The following PACRG variants were observed in gnomAD, a reference collection of about 807,000 sequenced individuals.
The protein encoded by PACRG is parkin coregulated, also known as parkin coregulated gene protein.
Under a neutral mutation model 29.7 loss-of-function variants are expected in PACRG, and 29 were observed. That is an observed-to-expected ratio of 0.98 (90% CI 0.73 to 1.33). The LOEUF is 1.33. Ranked by LOEUF, PACRG falls within the 40% of genes most tolerant of loss-of-function variation. The pLI is 0.00. For synonymous variants in PACRG, 116 were observed against 118.7 expected (o/e 0.98, Z 0.15); for missense variants, 279 against 316.2 (o/e 0.88, Z 0.89).
At chr6:163,044,990 G>C (rs1809183614) in intron 2 of PACRG, among the ~76,000 whole-genome samples, 1 of 152,194 alleles carries the variant, frequency 6.6e-6, no homozygotes, top group Non-Finnish European at 1.5e-5. Flanking sequence ...CTGTTTAACT[G>C]GGTAAAGTGA....
intron 4 of PACRG, among the ~76,000 whole-genome samples, chr6:163,302,482 C>G (rs756567167): frequency 1.3e-5 from 2 of 152,288 alleles, no homozygotes; most frequent in East Asian, 1.9e-4. Context: ...TTAACTAAGA[C>G]AGTTGTAAAA....
At chr6:163,148,555 C>T (rs898516402) in intron 4 of PACRG, among the ~76,000 whole-genome samples, 2 of 152,128 alleles carry the variant, frequency 1.3e-5, no homozygotes, top group African/African-American at 4.8e-5. Context: ...ACAATGGCAT[C>T]TCAACATCCA....
chr6:162,997,197 A>G (rs2128192877), intron 2 of PACRG, among the ~76,000 whole-genome samples: 1 of 152,342 alleles, frequency 6.6e-6, no homozygotes, highest in East Asian at 1.9e-4. Flanking sequence ...GCTCAATTTT[A>G]ATTTCAAGAA....
intron 4 of PACRG, among the ~76,000 whole-genome samples, chr6:163,277,966 G>A (rs1585394390): frequency 6.6e-6 from 1 of 152,046 alleles, no homozygotes; most frequent in Non-Finnish European, 1.5e-5. Context: ...ATGTAAAACT[G>A]TTCCCTTTTC....
At chr6:162,985,215 A>G (rs1802782645) in intron 2 of PACRG, among the ~76,000 whole-genome samples, 1 of 152,108 alleles carries the variant, frequency 6.6e-6, no homozygotes, top group Admixed American at 6.6e-5. Context: ...TGAAGCCAGT[A>G]CCACCCTAAT....
At chr6:163,016,884 T>C (rs1304064592) in intron 2 of PACRG, among the ~76,000 whole-genome samples, 1 of 152,164 alleles carries the variant, frequency 6.6e-6, no homozygotes, top group African/African-American at 2.4e-5. Flanking sequence ...TTTAGGTCTG[T>C]CTTTTTCTCT....
chr6:162,890,653 A>T (rs766162883), intron 2 of PACRG, among the ~76,000 whole-genome samples: 14 of 152,282 alleles, frequency 9.2e-5, no homozygotes, highest in Admixed American at 4.6e-4. Context: ...CCTGCCAGAA[A>T]GGAGACCCCG....
At chr6:163,256,824 GA>G (rs1783129366) in intron 4 of PACRG, among the ~76,000 whole-genome samples, 2 of 152,338 alleles carry the variant, frequency 1.3e-5, no homozygotes, top group South Asian at 4.1e-4. Context: ...GTGGCTTAAA[GA>G]AACAGACACT....
intron 4 of PACRG, among the ~76,000 whole-genome samples, chr6:163,225,626 C>A (rs919364576): frequency 1.3e-5 from 2 of 152,154 alleles, no homozygotes; most frequent in African/African-American, 4.8e-5. Context: ...TAAATTAGTA[C>A]AGCCATTATG....
chr6:163,042,864 T>G (rs998697329), intron 2 of PACRG: 3 of 152,080 alleles, frequency 2.0e-5, no homozygotes, highest in Non-Finnish European at 4.4e-5. Flanking sequence ...TACATCCTGT[T>G]ATTTAATCAG....
At chr6:162,966,558 G>A (rs1454207155) in intron 2 of PACRG, among the ~76,000 whole-genome samples, 1 of 148,618 alleles carries the variant, frequency 6.7e-6, no homozygotes, top group Non-Finnish European at 1.5e-5. Flanking sequence ...CTCACTGCAA[G>A]CTCCGCCTCC....
intron 2 of PACRG, among the ~76,000 whole-genome samples, chr6:163,061,472 G>T (rs1021104765): frequency 6.6e-6 from 1 of 152,196 alleles, no homozygotes; most frequent in Non-Finnish European, 1.5e-5. Context: ...GGGTGGAGAT[G>T]TGGGAAAGAG....
At chr6:163,216,289 C>G (rs16888817) in intron 4 of PACRG, among the ~76,000 whole-genome samples, 74,460 of 151,848 alleles carry the variant, frequency 0.49, 18,621 homozygotes, top group East Asian at 0.76. Context: ...CCCAGTGGAG[C>G]CAGCACCAAG....
Position 162,792,535 on chromosome 6 carries a change from G to C in PACRG, c.157-21612G>C, listed in dbSNP as rs183010919. 1.4e-3 allele frequency among the ~76,000 whole-genome samples: 213 copies of C among 152,178 alleles called. 4 individuals carry two copies. The highest frequency in any genetic ancestry group is 3.4e-3 in the Middle Eastern group (1 of 292). On this transcript the variant is annotated intron_variant, in intron 1 of 4. Transcript: ENST00000366888. ...CGTGATAGAACAGGCCAAGGAACTA[G>C]AGAGGCTGAAGCACTGGTCCAACTA...
intron 2 of PACRG, among the ~76,000 whole-genome samples, chr6:163,024,814 C>T (rs1454855993): frequency 6.6e-6 from 1 of 152,070 alleles, no homozygotes; most frequent in East Asian, 1.9e-4. Context: ...AACATAGACA[C>T]AAAATTCCTC....
At chr6:162,735,921 A>G (rs1213252664) in intron 1 of PACRG, among the ~76,000 whole-genome samples, 1 of 152,240 alleles carries the variant, frequency 6.6e-6, no homozygotes, top group Non-Finnish European at 1.5e-5. Flanking sequence ...AAATAATAAA[A>G]TAAAGTGTAA....
chr6:162,756,397 CT>C (rs1781923439), intron 1 of PACRG, among the ~76,000 whole-genome samples: 1 of 152,044 alleles, frequency 6.6e-6, no homozygotes, highest in Admixed American at 6.6e-5. Context: ...ATGTAATAAT[CT>C]TCTCGTCCCT....
intron 2 of PACRG, among the ~76,000 whole-genome samples, chr6:162,931,724 T>G (rs1232853217): frequency 6.6e-6 from 1 of 151,928 alleles, no homozygotes; most frequent in Non-Finnish European, 1.5e-5. Context: ...TACACACCTA[T>G]TAGAGTGGCT....
intron 2 of PACRG, among the ~76,000 whole-genome samples, chr6:162,831,180 A>G (rs1584483002): frequency 6.6e-6 from 1 of 152,208 alleles, no homozygotes; most frequent in African/African-American, 2.4e-5. Flanking sequence ...GGAGACAAGC[A>G]GAGCTGAAGG....
Sources: gnomAD v4.1 joint callset for allele counts (sites outside exome capture counted in the v4.1 genomes callset) on GRCh38, gnomAD v4.1.1 for gene constraint, MANE v1.5 for transcripts, NCBI Gene and HGNC (gene_info 2026-07-23, HGNC 2026-07-21) for gene names.